DPF3: variants seen among roughly 807,000 people sequenced by gnomAD.
DPF3 encodes the protein zinc finger protein DPF3.
A neutral mutation model predicts 56.8 loss-of-function variants in DPF3; 18 were observed. That is an observed-to-expected ratio of 0.32 (90% CI 0.22 to 0.47). The LOEUF (loss-of-function observed/expected upper bound fraction) is 0.47. DPF3 is among the 20% of genes least tolerant of loss of function. The probability of loss-of-function intolerance (pLI) is 1.00; values close to 1 mark genes in which losing one functional copy is unlikely to be tolerated. For missense variants in DPF3, 403 were observed against 488.8 expected, an observed-to-expected ratio of 0.82 and a Z score of 1.65; for synonymous variants, 188 against 180.2, an observed-to-expected ratio of 1.04 and a Z score of -0.35.
chr14:72,694,448 G>C (rs562831735), intron 6 of DPF3, among the ~76,000 whole-genome samples: 1 of 152,312 alleles, frequency 6.6e-6, no homozygotes, highest in Admixed American at 6.5e-5. Context: ...ATCAGGCCTG[G>C]GTTCAAATCC....
chr14:72,737,194 A>G, intron 3 of DPF3, among the ~76,000 whole-genome samples: 1 of 150,036 alleles, frequency 6.7e-6, no homozygotes. Flanking sequence ...TAAAAGCAAA[A>G]AAACAAACAA....
At chr14:72,853,934 C>T (rs1028502656) in intron 1 of DPF3, among the ~76,000 whole-genome samples, 8 of 152,184 alleles carry the variant, frequency 5.3e-5, no homozygotes, top group Non-Finnish European at 8.8e-5. Flanking sequence ...ATACAAACCT[C>T]CAAGATCTGG....
At chr14:72,632,592 G>A (rs1165343105) in intron 8 of DPF3, among the ~76,000 whole-genome samples, 1 of 149,046 alleles carries the variant, frequency 6.7e-6, no homozygotes, top group Non-Finnish European at 1.5e-5. Flanking sequence ...AGAGAGAGAG[G>A]AAGGAGGGAA....
chr14:72,712,737 T>C (rs944401341), intron 6 of DPF3, among the ~76,000 whole-genome samples: 4 of 152,092 alleles, frequency 2.6e-5, no homozygotes, highest in Non-Finnish European at 5.9e-5. Context: ...CATAGTGGCA[T>C]GGGCCTGTAG....
At chr14:72,838,049 G>A (rs905845338) in intron 1 of DPF3, among the ~76,000 whole-genome samples, 2 of 152,208 alleles carry the variant, frequency 1.3e-5, no homozygotes, top group African/African-American at 4.8e-5. Flanking sequence ...TCCAGTGCCA[G>A]CTGCAGCAAC....
chr14:72,708,199 A>T (rs1345224048), intron 6 of DPF3, among the ~76,000 whole-genome samples: 1 of 152,188 alleles, frequency 6.6e-6, no homozygotes, highest in African/African-American at 2.4e-5. Flanking sequence ...CAGAGACAGG[A>T]GGGTCTAGGG....
intron 3 of DPF3, among the ~76,000 whole-genome samples, chr14:72,749,854 AAAAAGAAAAG>A (rs1357522767): frequency 1.0e-5 from 1 of 100,482 alleles, no homozygotes; most frequent in Admixed American, 1.0e-4. Context: ...TTTAAAAAAA[AAAAAGAAAAG>A]AAAAGAAAAA....
In DPF3 at chr14:72,615,713, T is replaced by C. The variant is rs545646636; in HGVS notation, c.*3584A>G. ...GGGCAGGGACAGGAGCAGGGGAGCC[T>C]TGGGACCTGCTGGCTCCTGCTTCAG... On this transcript the variant is annotated 3_prime_UTR_variant, in exon 11 of 11. Transcript: ENST00000556509. 6.6e-6 allele frequency among the ~76,000 whole-genome samples: 1 copy of C among 152,350 alleles called. No individual in the cohort carries two copies. Among genetic ancestry groups the C allele is most frequent in the Admixed American group, 6.5e-5 (1 of 15,310 alleles).
At chr14:72,629,019 A>T (rs140890492) in intron 9 of DPF3, among the ~76,000 whole-genome samples, 1 of 152,354 alleles carries the variant, frequency 6.6e-6, no homozygotes, top group East Asian at 1.9e-4. Context: ...CAATTCAAAT[A>T]AACAGGCTGT....
At chr14:72,702,860 C>A (rs966758835) in intron 6 of DPF3, among the ~76,000 whole-genome samples, 46 of 152,240 alleles carry the variant, frequency 3.0e-4, no homozygotes, top group African/African-American at 1.1e-3. Flanking sequence ...GTGGATCCAA[C>A]CCCCAGGTGG....
chr14:72,760,626 T>A (rs948266058), intron 2 of DPF3, among the ~76,000 whole-genome samples: 1 of 152,164 alleles, frequency 6.6e-6, no homozygotes, highest in Non-Finnish European at 1.5e-5. Context: ...AATAATATAA[T>A]TTGAAAGTTA....
At position 72,612,338 on chromosome 14, in the gene DPF3, C is replaced by T; in HGVS notation, c.*6959G>A. ...GACGCCCTGCCTACCTACCCCGCCT[C>T]TCTCCAGCCACCTGCTCCCCACCTC... On this transcript the variant is annotated 3_prime_UTR_variant, in exon 11 of 11. Transcript: ENST00000556509. 1 of 438,556 alleles carries T rather than the reference C, an allele frequency of 2.3e-6. No individual in the cohort carries two copies. The highest frequency in any genetic ancestry group is 4.5e-6 in the Non-Finnish European group (1 of 220,768). The allele number at this position is 438,556 out of a possible 1,614,324, so 27.2% of individuals were successfully genotyped here. A position where few individuals can be genotyped will look rare whatever the true frequency, so the allele number is the denominator to read the frequency against.
At position 72,894,039 on chromosome 14, in the gene DPF3, T is replaced by C; in HGVS notation, c.32+18A>G. The C allele has an allele frequency of 6.2e-7, 1 of 1,610,024 alleles. No individual in the cohort carries two copies. Among genetic ancestry groups the C allele is most frequent in the South Asian group, 1.1e-5 (1 of 90,054 alleles). ...ATTGAAACCACGCGGAATATGTACATTTTTTAGTCTTACTTACGCTTTCAG... is the reference window on the plus strand; with the variant it reads ...ATTGAAACCACGCGGAATATGTACACTTTTTAGTCTTACTTACGCTTTCAG... On this transcript the variant is annotated intron_variant, in intron 1 of 10. Transcript: ENST00000556509.
intron 9 of DPF3, among the ~76,000 whole-genome samples, chr14:72,625,337 C>T (rs543131559): frequency 4.5e-4 from 68 of 152,108 alleles, no homozygotes; most frequent in African/African-American, 1.5e-3. Context: ...CTAATAATGT[C>T]ATTATTTTTT....
chr14:72,851,858 C>T (rs900635736), intron 1 of DPF3, among the ~76,000 whole-genome samples: 6 of 152,254 alleles, frequency 3.9e-5, no homozygotes, highest in African/African-American at 1.4e-4. Context: ...GGGAGGACAG[C>T]TCGCCCAGCC....
At chr14:72,764,658 T>G (rs1478580722) in intron 2 of DPF3, among the ~76,000 whole-genome samples, 1 of 151,800 alleles carries the variant, frequency 6.6e-6, no homozygotes, top group Admixed American at 6.6e-5. Flanking sequence ...GCTTATTTTT[T>G]TTGTTGTATT....
intron 3 of DPF3, among the ~76,000 whole-genome samples, chr14:72,744,340 A>G (rs374049869): frequency 2.0e-5 from 3 of 152,028 alleles, no homozygotes; most frequent in African/African-American, 7.3e-5. Flanking sequence ...TGGTGCAATC[A>G]TGGCTCACTG....
intron 1 of DPF3, among the ~76,000 whole-genome samples, chr14:72,838,905 A>ATATATATATATATATAT: frequency 1.6e-5 from 1 of 64,480 alleles, no homozygotes; most frequent in East Asian, 1.2e-3. Context: ...TATCATATAT[A>ATATATATATATATATAT]TTCTTTTTTT....
intron 1 of DPF3, among the ~76,000 whole-genome samples, chr14:72,856,083 T>G (rs1229491518): frequency 6.6e-6 from 1 of 152,222 alleles, no homozygotes; most frequent in Non-Finnish European, 1.5e-5. Context: ...GCTTTGGGCT[T>G]TCCCAGAGCT....
Sources: gnomAD v4.1 joint callset for allele counts (sites outside exome capture counted in the v4.1 genomes callset) on GRCh38, gnomAD v4.1.1 for gene constraint, MANE v1.5 for transcripts, NCBI Gene and HGNC (gene_info 2026-07-23, HGNC 2026-07-21) for gene names.